PIGS: variants seen among roughly 807,000 people sequenced by gnomAD.
The protein encoded by PIGS is phosphatidylinositol glycan anchor biosynthesis class S.
PIGS carries 37 observed loss-of-function variants against 58.2 expected under a neutral mutation model. The observed-to-expected ratio is 0.64, with a 90% confidence interval of 0.49 to 0.84. The LOEUF (loss-of-function observed/expected upper bound fraction) is 0.84. PIGS is among the 40% of genes least tolerant of loss of function. The probability of loss-of-function intolerance (pLI) is 0.00; values close to 1 mark genes in which losing one functional copy is unlikely to be tolerated. For missense variants in PIGS, 629 were observed against 710.8 expected (o/e 0.88, Z 1.31); for synonymous variants, 269 against 289.2 (o/e 0.93, Z 0.71).
At chr17:28,561,795 A>G (rs948075674) in intron 5 of PIGS, 166 bp from the exon 6 acceptor site, 3 of 640,602 alleles carry the variant, frequency 4.7e-6, no homozygotes, top group Non-Finnish European at 7.9e-6. Context: ...CTATGAGTAT[A>G]TATTGAGTAT....
chr17:28,571,241 C>T (rs1597588392), intron 1 of PIGS, 53 bp from the exon 2 acceptor site: 1 of 1,582,784 alleles, frequency 6.3e-7, no homozygotes, highest in African/African-American at 1.3e-5. Flanking sequence ...GGGTACCGGC[C>T]CCATCCCCGA....
chr17:28,558,364 G>A, intron 8 of PIGS, 112 bp downstream of exon 8: 3 of 870,982 alleles, frequency 3.4e-6, no homozygotes, highest in Non-Finnish European at 5.4e-6. Flanking sequence ...CCCAACCTGG[G>A]AACCATCACT....
chr17:28,570,986 C>A, intron 2 of PIGS, 23 bp from the exon 3 acceptor site: 1 of 1,614,208 alleles, frequency 6.2e-7, no homozygotes, highest in Non-Finnish European at 8.5e-7. Context: ...GCATCAGGGC[C>A]GTCACTGAGT....
intron 3 of PIGS, among the ~76,000 whole-genome samples, chr17:28,569,427 A>T (rs535158243): frequency 4.8e-4 from 72 of 150,292 alleles, no homozygotes; most frequent in African/African-American, 1.6e-3. Flanking sequence ...GTGGGCCCTG[A>T]TCGTGCCACC....
intron 5 of PIGS, 44 bp from the exon 6 acceptor site, chr17:28,561,673 G>A (rs1171819881): frequency 2.1e-5 from 33 of 1,561,734 alleles, no homozygotes; most frequent in Admixed American, 3.8e-5. Flanking sequence ...GCTCAGAAAA[G>A]AAAGCCAAAA....
At chr17:28,566,581 G>A (rs968419408) in intron 3 of PIGS, among the ~76,000 whole-genome samples, 11 of 149,426 alleles carry the variant, frequency 7.4e-5, no homozygotes, top group African/African-American at 2.2e-4. Context: ...GTGAGCCACC[G>A]CGCCCAGCCT....
At position 28,556,903 on chromosome 17, in the gene PIGS, G is replaced by T; in HGVS notation, c.1004C>A (p.Pro335Gln). 1.2e-6 allele frequency: 2 copies of T among 1,614,136 alleles called. No homozygotes were observed. Among genetic ancestry groups the T allele is most frequent in the African/African-American group, 1.3e-5 (1 of 75,042 alleles). Reference sequence around the variant, plus strand: ...GCCATCCTTGTCCTGAATGTACAGCGGTGAGTGTGCAAGCTCAGGCACGTA... The same window carrying T: ...GCCATCCTTGTCCTGAATGTACAGCTGTGAGTGTGCAAGCTCAGGCACGTA... ...LLYVPELAHS[P>Q]LYIQDKDGAP... The change falls in exon 9 of 12, where the codon CCG becomes CAG. Residue 335 changes from proline to glutamine, a missense_variant. By Grantham distance (76) the Pro-to-Gln change is moderately conservative. Coordinates refer to ENST00000308360, the MANE Select transcript of PIGS (RefSeq NM_033198.4).
At chr17:28,569,832 G>A (rs1472868688) in intron 3 of PIGS, among the ~76,000 whole-genome samples, 1 of 152,176 alleles carries the variant, frequency 6.6e-6, no homozygotes, top group African/African-American at 2.4e-5. Flanking sequence ...CATTAGAAAG[G>A]ATTAAATGAG....
chr17:28,557,103 T>G, intron 8 of PIGS, 131 bp from the exon 9 acceptor site: 1 of 916,056 alleles, frequency 1.1e-6, no homozygotes, highest in Non-Finnish European at 1.7e-6. Flanking sequence ...GATATCCTCC[T>G]GTCCAGGGTG....
At chr17:28,570,553 A>G (rs541658061) in intron 3 of PIGS, among the ~76,000 whole-genome samples, 6 of 152,148 alleles carry the variant, frequency 3.9e-5, no homozygotes, top group Non-Finnish European at 8.8e-5. Flanking sequence ...AATAGGGCCT[A>G]TATGCAAATC....
chr17:28,556,053 G>C, intron 10 of PIGS, 113 bp downstream of exon 10: 7 of 946,726 alleles, frequency 7.4e-6, no homozygotes, highest in Non-Finnish European at 1.2e-5. Context: ...TGGTTTCCCT[G>C]GGGCTCTAGG....
At chr17:28,559,925 C>T (rs1353403773) in intron 7 of PIGS, 124 bp downstream of exon 7, 2 of 1,273,010 alleles carry the variant, frequency 1.6e-6, no homozygotes, top group Non-Finnish European at 2.1e-6. Context: ...TTATGACACT[C>T]ACATACATAT....
chr17:28,561,462 C>T lies in PIGS; in HGVS notation c.636G>A (p.Lys212=). The T allele has an allele frequency of 1.2e-6, 2 of 1,614,044 alleles. No individual in the cohort carries two copies. Among genetic ancestry groups the T allele is most frequent in the Non-Finnish European group, 1.7e-6 (2 of 1,179,934 alleles). ...AALADHLPED[K]WSAEKRRPLK... ...GAGGCCGCCTCTTCTCAGCGCTCCA[C>T]TTGTCCTCTGGAAGGTGGTCAGCCA... Residue 212 remains lysine (K), a synonymous_variant, in exon 6 of 12, where the codon AAG becomes AAA. Coordinates refer to ENST00000308360, the MANE Select transcript of PIGS (RefSeq NM_033198.4).
At position 28,555,062 on chromosome 17, in the gene PIGS, C is replaced by T; in HGVS notation, c.1182-1G>A. Reference sequence around the variant, plus strand: ...GGGCTGAGCAATCCCAAAGAGCAACCTGTAGGAACATCGGAGTAAGATCAA... The same window carrying T: ...GGGCTGAGCAATCCCAAAGAGCAACTTGTAGGAACATCGGAGTAAGATCAA... On this transcript the variant is annotated splice_acceptor_variant, in intron 10 of 11. Transcript: ENST00000308360. LOFTEE classifies it high-confidence loss of function. The T allele has an allele frequency of 1.2e-6, 2 of 1,611,318 alleles. No individual in the cohort carries two copies. Among genetic ancestry groups the T allele is most frequent in the South Asian group, 2.2e-5 (2 of 90,742 alleles).
At chr17:28,570,985 C>T in intron 2 of PIGS, 22 bp from the exon 3 acceptor site, 1 of 1,614,200 alleles carries the variant, frequency 6.2e-7, no homozygotes, top group Non-Finnish European at 8.5e-7. Flanking sequence ...AGCATCAGGG[C>T]CGTCACTGAG....
At chr17:28,554,634 G>C in intron 11 of PIGS, 139 bp from the exon 12 acceptor site, 2 of 1,264,790 alleles carry the variant, frequency 1.6e-6, no homozygotes, top group East Asian at 2.4e-5. Context: ...CTTTCTACAG[G>C]GATATGGTTT....
chr17:28,569,197 C>G (rs1040318175), intron 3 of PIGS, among the ~76,000 whole-genome samples: 3 of 149,642 alleles, frequency 2.0e-5, no homozygotes, highest in Non-Finnish European at 4.5e-5. Context: ...TTTAACCAGC[C>G]GGGTGCGGTG....
intron 6 of PIGS, among the ~76,000 whole-genome samples, chr17:28,561,021 G>C (rs1457110365): frequency 6.6e-6 from 1 of 152,086 alleles, no homozygotes; most frequent in African/African-American, 2.4e-5. Context: ...ACTTTGGGAA[G>C]CCGAGGCGGG....
At chr17:28,560,414 C>T in intron 6 of PIGS, 1 of 500,720 alleles carries the variant, frequency 2.0e-6, no homozygotes, top group Non-Finnish European at 3.5e-6. Context: ...GAGACTGAGG[C>T]AGACGGATCA....
Sources: gnomAD v4.1 joint callset for allele counts (sites outside exome capture counted in the v4.1 genomes callset) on GRCh38, gnomAD v4.1.1 for gene constraint, MANE v1.5 for transcripts, NCBI Gene and HGNC (gene_info 2026-07-23, HGNC 2026-07-21) for gene names.